Variants in SYTL5 observed in about 807,000 individuals in gnomAD.
The protein encoded by SYTL5 is synaptotagmin like 5, also known as synaptotagmin-like protein 5.
SYTL5 carries 34 observed loss-of-function variants against 55.9 expected under a neutral mutation model. That is an observed-to-expected ratio of 0.61 (90% CI 0.46 to 0.81). The LOEUF (loss-of-function observed/expected upper bound fraction) is 0.81, where lower values mean the gene tolerates loss of function less well. Ranked by LOEUF, SYTL5 falls within the 30% of genes least tolerant of loss-of-function variation. The pLI is 0.00. For synonymous variants in SYTL5, 221 were observed against 188.7 expected, an observed-to-expected ratio of 1.17 and a Z score of -1.40; for missense variants, 637 against 546.7, an observed-to-expected ratio of 1.17 and a Z score of -1.65.
chrX:37,896,279 T>C, the SYTL5 span, among the ~76,000 whole-genome samples: 10 of 112,118 alleles, frequency 8.9e-5, no homozygotes, highest in Non-Finnish European at 1.5e-4. Context: ...GAGTCTTTTT[T>C]TCAATATGCA....
chrX:37,951,087 T>G, the SYTL5 span, among the ~76,000 whole-genome samples: 1 of 110,959 alleles, frequency 9.0e-6, no homozygotes, highest in Non-Finnish European at 1.9e-5. Flanking sequence ...TAAAAGAATT[T>G]TTTTTTCAAA....
chrX:37,958,511 G>A, the SYTL5 span, among the ~76,000 whole-genome samples: 1 of 111,310 alleles, frequency 9.0e-6, no homozygotes, highest in Admixed American at 9.5e-5. Flanking sequence ...TGGATTTGGG[G>A]ATTAAGTTTC....
chrX:38,048,594 T>A (rs144454391), intron 2 of SYTL5, among the ~76,000 whole-genome samples: 1,142 of 108,678 alleles, frequency 0.011, 10 homozygotes, highest in Middle Eastern at 0.044. Context: ...CTCACAGTCA[T>A]GGCGGAAGGT....
chrX:37,922,782 C>A, the SYTL5 span, among the ~76,000 whole-genome samples: 12 of 111,296 alleles, frequency 1.1e-4, no homozygotes, highest in African/African-American at 3.6e-4. Context: ...GATTGAGGAA[C>A]CCTGGGTATT....
chrX:38,025,333 T>C (rs959671898), intron 1 of SYTL5, among the ~76,000 whole-genome samples: 1 of 112,493 alleles, frequency 8.9e-6, no homozygotes, highest in Non-Finnish European at 1.9e-5. Flanking sequence ...TAATGAGATA[T>C]ATTCAGATAT....
At chrX:37,921,146 G>A in the SYTL5 span, among the ~76,000 whole-genome samples, 8 of 111,593 alleles carry the variant, frequency 7.2e-5, no homozygotes, top group Non-Finnish European at 1.5e-4. Context: ...CTAAGAGTAA[G>A]TGCCATTATT....
the SYTL5 span, among the ~76,000 whole-genome samples, chrX:37,931,615 T>C: frequency 9.0e-6 from 1 of 111,604 alleles, no homozygotes; most frequent in African/African-American, 3.3e-5. Context: ...AAGGCAAGCA[T>C]TTTGTTTTGC....
chrX:38,098,490 A>G (rs973245865), intron 9 of SYTL5, among the ~76,000 whole-genome samples: 5 of 110,885 alleles, frequency 4.5e-5, no homozygotes, highest in Non-Finnish European at 9.5e-5. Context: ...TAAAATCACA[A>G]TGAGATACCA....
At chrX:37,970,041 TAA>T in the SYTL5 span, among the ~76,000 whole-genome samples, 1 of 112,545 alleles carries the variant, frequency 8.9e-6, no homozygotes, top group Non-Finnish European at 1.9e-5. Flanking sequence ...GCATTAAAAA[TAA>T]GTCAGTATTT....
chrX:37,999,936 A>G, the SYTL5 span, among the ~76,000 whole-genome samples: 1 of 111,493 alleles, frequency 9.0e-6, no homozygotes, highest in Admixed American at 9.5e-5. Flanking sequence ...ATAGCGCTCA[A>G]GATAGAAGGT....
chrX:37,898,143 G>A, the SYTL5 span, among the ~76,000 whole-genome samples: 2 of 111,885 alleles, frequency 1.8e-5, no homozygotes, highest in Non-Finnish European at 3.8e-5. Context: ...CTTCCTCAGA[G>A]ATAGTGCCTT....
In SYTL5 at chrX:38,110,373, G is replaced by T. The variant is rs1367977558; in HGVS notation, c.1487G>T (p.Trp496Leu). Residue 496 changes from tryptophan to leucine, a missense_variant, in exon 13 of 17, where the codon TGG becomes TTG. Transcript: ENST00000297875. ...LETRTLQLSV[W>L]HYDRFGRNSF... Reference sequence around the variant, plus strand: ...ACAAGAACTCTGCAGCTCTCAGTCTGGCACTATGATCGATTTGGACGTAAT... The same window carrying T: ...ACAAGAACTCTGCAGCTCTCAGTCTTGCACTATGATCGATTTGGACGTAAT... 1.7e-6 allele frequency: 2 copies of T among 1,208,787 alleles called. No homozygotes were observed.
chrX:38,116,553 C>T (rs931420057), intron 13 of SYTL5, among the ~76,000 whole-genome samples: 1 of 112,380 alleles, frequency 8.9e-6, no homozygotes, highest in African/African-American at 3.2e-5. Context: ...CATAAGAATA[C>T]TTTCAAAGTA....
the SYTL5 span, among the ~76,000 whole-genome samples, chrX:37,930,650 C>A: frequency 8.9e-6 from 1 of 112,033 alleles, no homozygotes; most frequent in Non-Finnish European, 1.9e-5. Flanking sequence ...GCAGGTGAAT[C>A]TCATCCTGAT....
Position 38,080,034 on chromosome X carries a change from A to G in SYTL5, c.689+3333A>G, listed in dbSNP as rs191974237. On this transcript the variant is annotated intron_variant, in intron 6 of 16. Transcript: ENST00000297875. ...ATTCAAGTTTAACTGCGAGTTCTGT[A>G]TTTTATCTGACAACTCTTCTATAGG... Among the ~76,000 whole-genome samples, 18 of 111,618 alleles carry G rather than the reference A, an allele frequency of 1.6e-4. No homozygotes were observed. The East Asian group carries it at 4.8e-3, about 30-fold the overall frequency.
chrX:37,938,468 T>C, the SYTL5 span, among the ~76,000 whole-genome samples: 11 of 112,606 alleles, frequency 9.8e-5, no homozygotes, highest in Non-Finnish European at 1.9e-4. Context: ...TATCTCCTTG[T>C]TGTTCATAAA....
chrX:38,115,483 CAAAAAAAA>C (rs772227891), intron 13 of SYTL5, among the ~76,000 whole-genome samples: 24 of 17,462 alleles, frequency 1.4e-3, no homozygotes, highest in African/African-American at 4.7e-3. Flanking sequence ...GACTCCGTCT[CAAAAAAAA>C]AAAAAAAAAA....
intron 15 of SYTL5, among the ~76,000 whole-genome samples, chrX:38,123,403 A>G (rs943181967): frequency 6.5e-4 from 73 of 112,054 alleles, no homozygotes; most frequent in Non-Finnish European, 3.2e-4. Flanking sequence ...TGCTGGGATT[A>G]CAGGCATGAG....
the SYTL5 span, among the ~76,000 whole-genome samples, chrX:37,916,886 C>G: frequency 5.6e-4 from 62 of 111,197 alleles, no homozygotes; most frequent in African/African-American, 2.0e-3. Context: ...GAATTTTTAC[C>G]TAATGTCCTT....
Sources: allele counts gnomAD v4.1 joint callset (sites outside exome capture counted in the v4.1 genomes callset), GRCh38; gene constraint gnomAD v4.1.1; transcripts MANE v1.5; gene names NCBI Gene and HGNC (gene_info 2026-07-23, HGNC 2026-07-21).